Variants in C2orf76 observed in about 807,000 individuals in gnomAD.
C2orf76 encodes chromosome 2 open reading frame 76, also known as UPF0538 protein C2orf76.
Under a neutral mutation model 16.9 loss-of-function variants are expected in C2orf76, and 23 were observed. That is an observed-to-expected ratio of 1.36 (90% confidence interval 0.98 to 1.93). The LOEUF (loss-of-function observed/expected upper bound fraction) is 1.93. Among genes scored for constraint, C2orf76 ranks in the 30% most tolerant of loss-of-function variants. The pLI, the probability that C2orf76 is intolerant of heterozygous loss-of-function variation, is 0.00. For missense variants in C2orf76, 152 were observed against 152.6 expected (o/e 1.00, Z 0.02); for synonymous variants, 48 against 52.3 (o/e 0.92, Z 0.35).
chr2:119,292,402 C>G, the C2orf76 span, among the ~76,000 whole-genome samples: 1 of 152,168 alleles, frequency 6.6e-6, no homozygotes, highest in Non-Finnish European at 1.5e-5. Flanking sequence ...TCACAGGAGG[C>G]TCAGGACCGC....
chr2:119,293,343 G>GT, the C2orf76 span, among the ~76,000 whole-genome samples: 2 of 152,362 alleles, frequency 1.3e-5, no homozygotes, highest in Non-Finnish European at 2.9e-5. Context: ...ATGTAGAAAA[G>GT]TCACTGCAAA....
At chr2:119,354,561 A>C (rs1454760967) in intron 1 of C2orf76, among the ~76,000 whole-genome samples, 2 of 152,200 alleles carry the variant, frequency 1.3e-5, no homozygotes, top group Non-Finnish European at 2.9e-5. Context: ...CTACATTTAT[A>C]AACTAGGACT....
intron 4 of C2orf76, among the ~76,000 whole-genome samples, chr2:119,312,490 T>C (rs1679027361): frequency 6.6e-6 from 1 of 152,094 alleles, no homozygotes; most frequent in Non-Finnish European, 1.5e-5. Flanking sequence ...GGTCAAGTGA[T>C]CCTCTGACCT....
downstream of C2orf76, among the ~76,000 whole-genome samples, chr2:119,298,661 G>A (rs1052622563): frequency 6.6e-6 from 1 of 151,984 alleles, no homozygotes; most frequent in Non-Finnish European, 1.5e-5. Context: ...TATGGATTAG[G>A]TAGGTATCTT....
chr2:119,325,286 C>T (rs939180806), intron 2 of C2orf76, among the ~76,000 whole-genome samples: 50 of 151,902 alleles, frequency 3.3e-4, no homozygotes, highest in African/African-American at 1.0e-3. Flanking sequence ...ATAGTGAAAC[C>T]CCATCTCTAC....
In C2orf76 at chr2:119,341,917, A is replaced by G. The variant is rs1680043482; in HGVS notation, c.-12-1946T>C. Among the ~76,000 whole-genome samples the G allele has an allele frequency of 2.0e-5, 3 of 152,338 alleles. No homozygotes were observed. In the South Asian group the frequency reaches 6.2e-4, roughly 32 times the overall value. ...CTCATCAGTGACGGCAGGGACTTAA[A>G]GGAGCAGTACTTTTGGAGACAATAA... On this transcript the variant is annotated intron_variant, in intron 1 of 5. Transcript: ENST00000334816.
Position 119,322,976 on chromosome 2 carries a change from A to C in C2orf76, c.134-1772T>G, listed in dbSNP as rs138653048. ...ACCACATGAATGTGTTACCTACTAAAGAAAAGTAAAACAAACAAAAAATAT... is the reference window on the plus strand; with the variant it reads ...ACCACATGAATGTGTTACCTACTAACGAAAAGTAAAACAAACAAAAAATAT... On this transcript the variant is annotated intron_variant, in intron 2 of 5. Coordinates refer to ENST00000334816, the MANE Select transcript of C2orf76 (RefSeq NM_001322331.2). Among the ~76,000 whole-genome samples, 560 of 152,272 alleles carry C rather than the reference A, an allele frequency of 3.7e-3. 2 individuals carry two copies. Among genetic ancestry groups the C allele is most frequent in the Non-Finnish European group, 5.8e-3 (392 of 68,018 alleles).
chr2:119,358,748 T>C (rs1680652356), intron 1 of C2orf76, among the ~76,000 whole-genome samples: 1 of 152,046 alleles, frequency 6.6e-6, no homozygotes, highest in African/African-American at 2.4e-5. Context: ...GTGAGAAAGC[T>C]ATATAAGAAG....
intron 2 of C2orf76, among the ~76,000 whole-genome samples, chr2:119,327,563 C>CT (rs1243479359): frequency 1.3e-5 from 2 of 151,900 alleles, no homozygotes; most frequent in African/African-American, 4.8e-5. Flanking sequence ...CGTTCCTCCT[C>CT]TATTAGTTCA....
downstream of C2orf76, among the ~76,000 whole-genome samples, chr2:119,301,864 GAAAGA>G (rs891551703): frequency 2.0e-5 from 2 of 99,830 alleles, no homozygotes; most frequent in African/African-American, 7.6e-5. Flanking sequence ...CACAGCTCAA[GAAAGA>G]AAAGAAAAAA....
chr2:119,281,162 G>C, the C2orf76 span, among the ~76,000 whole-genome samples: 22 of 152,158 alleles, frequency 1.4e-4, no homozygotes, highest in African/African-American at 5.3e-4. Context: ...TTTTAGGTTC[G>C]GTGTTACACA....
intron 5 of C2orf76, among the ~76,000 whole-genome samples, chr2:119,305,942 CAAA>C (rs61325292): frequency 7.5e-5 from 9 of 119,688 alleles, no homozygotes; most frequent in African/African-American, 2.2e-4. Context: ...AAAACAACAA[CAAA>C]AAAAAAAAAA....
At chr2:119,281,818 G>A in the C2orf76 span, among the ~76,000 whole-genome samples, 2 of 152,150 alleles carry the variant, frequency 1.3e-5, no homozygotes, top group Non-Finnish European at 1.5e-5. Flanking sequence ...GAAGTCTTAA[G>A]GACGTTGCCA....
chr2:119,284,340 A>G, the C2orf76 span, among the ~76,000 whole-genome samples: 4 of 152,186 alleles, frequency 2.6e-5, no homozygotes, highest in Non-Finnish European at 4.4e-5. Flanking sequence ...AGGCATAAGT[A>G]GGCTAATTTT....
downstream of C2orf76, among the ~76,000 whole-genome samples, chr2:119,300,452 C>T (rs1678599922): frequency 6.6e-6 from 1 of 152,118 alleles, no homozygotes; most frequent in Non-Finnish European, 1.5e-5. Context: ...TCCCATCTAC[C>T]TACTAGATAC....
chr2:119,307,298 G>A (rs1678821286), intron 5 of C2orf76, among the ~76,000 whole-genome samples: 1 of 152,012 alleles, frequency 6.6e-6, no homozygotes, highest in African/African-American at 2.4e-5. Flanking sequence ...AAATTAGCTG[G>A]GCGTGGTGGC....
At chr2:119,339,512 G>A (rs1679955799) in intron 2 of C2orf76, among the ~76,000 whole-genome samples, 4 of 150,768 alleles carry the variant, frequency 2.7e-5, no homozygotes, top group South Asian at 2.1e-4. Flanking sequence ...CACTACACCC[G>A]CTTGCTAATC....
intron 5 of C2orf76, among the ~76,000 whole-genome samples, chr2:119,306,897 AC>A (rs1218839765): frequency 6.6e-6 from 1 of 152,086 alleles, no homozygotes; most frequent in Non-Finnish European, 1.5e-5. Flanking sequence ...ATCTTCAAAC[AC>A]CTTTTTTTCC....
intron 1 of C2orf76, among the ~76,000 whole-genome samples, chr2:119,352,552 C>T: frequency 6.6e-6 from 1 of 152,186 alleles, no homozygotes; most frequent in East Asian, 1.9e-4. Flanking sequence ...CAAAATAAGG[C>T]AAAAGCCAAG....
Sources: gnomAD v4.1 joint callset for allele counts (sites outside exome capture counted in the v4.1 genomes callset) on GRCh38, gnomAD v4.1.1 for gene constraint, MANE v1.5 for transcripts, NCBI Gene and HGNC (gene_info 2026-07-23, HGNC 2026-07-21) for gene names.